ZC3H12B: variants seen among roughly 807,000 people sequenced by gnomAD.
ZC3H12B encodes the protein probable ribonuclease ZC3H12B.
A neutral mutation model predicts 43.9 loss-of-function variants in ZC3H12B; 7 were observed. That is an observed-to-expected ratio of 0.16 (90% CI 0.09 to 0.30). ZC3H12B has a LOEUF of 0.30. Among genes scored for constraint, ZC3H12B ranks in the 10% least tolerant of loss-of-function variants. ZC3H12B has a pLI of 1.00. For synonymous variants in ZC3H12B, 222 were observed against 241.7 expected, an observed-to-expected ratio of 0.92 and a Z score of 0.76; for missense variants, 475 against 670.2, an observed-to-expected ratio of 0.71 and a Z score of 3.22.
At chrX:65,124,961 AT>A in the ZC3H12B span, among the ~76,000 whole-genome samples, 2 of 109,088 alleles carry the variant, frequency 1.8e-5, no homozygotes, top group Non-Finnish European at 3.8e-5. Context: ...ATCTTTTGTA[AT>A]TTTTTTGTTT....
the ZC3H12B span, among the ~76,000 whole-genome samples, chrX:65,204,162 G>A: frequency 1.4e-4 from 15 of 105,871 alleles, no homozygotes; most frequent in African/African-American, 6.0e-4. Context: ...CCTCTTCAGT[G>A]CCTTTTTAAG....
the ZC3H12B span, among the ~76,000 whole-genome samples, chrX:65,294,740 T>A: frequency 3.8e-3 from 417 of 110,945 alleles, 1 homozygote; most frequent in African/African-American, 0.013. Flanking sequence ...GCAACAATAG[T>A]CAAAAAGAAC....
chrX:65,316,289 A>G, the ZC3H12B span, among the ~76,000 whole-genome samples: 1 of 111,943 alleles, frequency 8.9e-6, no homozygotes, highest in African/African-American at 3.2e-5. Flanking sequence ...CAATCTCACT[A>G]AAGAGGCCAG....
chrX:65,109,656 AT>A, the ZC3H12B span, among the ~76,000 whole-genome samples: 3 of 111,697 alleles, frequency 2.7e-5, no homozygotes, highest in Non-Finnish European at 5.7e-5. Flanking sequence ...TGCTATGAAC[AT>A]TTTTGTACAA....
chrX:65,360,919 A>G, the ZC3H12B span, among the ~76,000 whole-genome samples: 82 of 112,179 alleles, frequency 7.3e-4, no homozygotes, highest in Non-Finnish European at 1.4e-3. Flanking sequence ...AAATACAGTA[A>G]CATTAAAATT....
the ZC3H12B span, among the ~76,000 whole-genome samples, chrX:65,150,220 G>T: frequency 6.3e-5 from 7 of 110,483 alleles, no homozygotes; most frequent in African/African-American, 2.3e-4. Context: ...CATAAAGGTG[G>T]CAGGAATCTT....
At chrX:65,379,207 G>C in intron 2 of ZC3H12B, among the ~76,000 whole-genome samples, 1 of 111,999 alleles carries the variant, frequency 8.9e-6, no homozygotes, top group East Asian at 2.8e-4. Context: ...AAATGTCCCT[G>C]TCTGACAGCT....
At chrX:65,507,769 C>G (rs2068440320) in exon 5 of ZC3H12B, 1 of 112,346 alleles carries the variant, frequency 8.9e-6, no homozygotes, top group Admixed American at 9.4e-5. Context: ...CATGAATGTG[C>G]TATGACTACT....
chrX:65,408,918 G>T (rs2066869784), intron 3 of ZC3H12B, among the ~76,000 whole-genome samples: 1 of 111,637 alleles, frequency 9.0e-6, no homozygotes, highest in African/African-American at 3.3e-5. Flanking sequence ...AATGCCAGTG[G>T]CCTGTACCAT....
the ZC3H12B span, among the ~76,000 whole-genome samples, chrX:65,057,274 G>T: frequency 9.0e-6 from 1 of 111,502 alleles, no homozygotes; most frequent in East Asian, 2.8e-4. Context: ...TTTAGGGCAG[G>T]CCTGGTGGTG....
chrX:65,151,556 C>T, the ZC3H12B span, among the ~76,000 whole-genome samples: 16 of 111,898 alleles, frequency 1.4e-4, no homozygotes, highest in Non-Finnish European at 2.6e-4. Flanking sequence ...ACCAAGGAAT[C>T]TAGCAATTCC....
At chrX:65,165,407 T>C in the ZC3H12B span, among the ~76,000 whole-genome samples, 3 of 112,201 alleles carry the variant, frequency 2.7e-5, no homozygotes, top group Non-Finnish European at 5.6e-5. Flanking sequence ...ATTAGGTATT[T>C]GTCCTAATGC....
At chrX:65,238,980 G>C in the ZC3H12B span, among the ~76,000 whole-genome samples, 2 of 111,718 alleles carry the variant, frequency 1.8e-5, no homozygotes, top group East Asian at 5.6e-4. Flanking sequence ...TTTTTTATTT[G>C]CTGAGGAGTG....
the ZC3H12B span, among the ~76,000 whole-genome samples, chrX:65,318,152 T>A: frequency 9.3e-6 from 1 of 107,067 alleles, no homozygotes; most frequent in Non-Finnish European, 1.9e-5. Context: ...GCTAGAAGTG[T>A]TCCCTTTTAA....
chrX:65,129,832 G>A, the ZC3H12B span, among the ~76,000 whole-genome samples: 1 of 111,144 alleles, frequency 9.0e-6, no homozygotes, highest in African/African-American at 3.3e-5. Context: ...GGCGGCATGG[G>A]AACCTAGAGT....
chrX:65,169,519 G>A, the ZC3H12B span, among the ~76,000 whole-genome samples: 51 of 111,945 alleles, frequency 4.6e-4, no homozygotes, highest in Non-Finnish European at 8.3e-4. Flanking sequence ...TGTTGATTTG[G>A]GGTGGAGAGT....
the ZC3H12B span, among the ~76,000 whole-genome samples, chrX:65,312,766 G>A: frequency 8.9e-6 from 1 of 112,050 alleles, no homozygotes; most frequent in Non-Finnish European, 1.9e-5. Context: ...GAAGGGAAAA[G>A]CAGCTCTCTG....
At chrX:65,170,258 G>A in the ZC3H12B span, among the ~76,000 whole-genome samples, 5 of 111,464 alleles carry the variant, frequency 4.5e-5, no homozygotes, top group Admixed American at 3.8e-4. Context: ...GCACTTGTTT[G>A]TCTGTAAAGT....
At chrX:65,421,119 G>A (rs2067012481) in intron 3 of ZC3H12B, among the ~76,000 whole-genome samples, 1 of 112,167 alleles carries the variant, frequency 8.9e-6, no homozygotes, top group South Asian at 3.7e-4. Flanking sequence ...ATGACACTAT[G>A]CTGACTGGAC....
Sources: allele counts gnomAD v4.1 joint callset (sites outside exome capture counted in the v4.1 genomes callset), GRCh38; gene constraint gnomAD v4.1.1; transcripts MANE v1.5; gene names NCBI Gene and HGNC (gene_info 2026-07-23, HGNC 2026-07-21).